Variants in FHIT observed in about 807,000 individuals in gnomAD.
The protein encoded by FHIT is fragile histidine triad diadenosine triphosphatase.
A neutral mutation model predicts 17.9 loss-of-function variants in FHIT; 19 were observed. The ratio of observed to expected loss-of-function variants is 1.06; its 90% confidence interval spans 0.74 to 1.56. The LOEUF is 1.56. FHIT is among the 40% of genes most tolerant of loss of function. The probability of loss-of-function intolerance (pLI) is 0.00; values close to 1 mark genes in which losing one functional copy is unlikely to be tolerated. For missense variants in FHIT, 248 were observed against 189.2 expected (o/e 1.31, Z -1.82); for synonymous variants, 81 against 69.7 (o/e 1.16, Z -0.81).
intron 8 of FHIT, among the ~76,000 whole-genome samples, chr3:59,912,797 C>T (rs149002175): frequency 0.01 from 1,594 of 152,312 alleles, 21 homozygotes; most frequent in African/African-American, 0.036. Flanking sequence ...ACTGGTGCAA[C>T]TGGCCTACAA....
intron 5 of FHIT, among the ~76,000 whole-genome samples, chr3:60,125,854 C>G (rs950043662): frequency 1.3e-5 from 2 of 152,160 alleles, no homozygotes; most frequent in Non-Finnish European, 2.9e-5. Flanking sequence ...AAGAAACAAT[C>G]TAATCCAACT....
At chr3:60,691,454 C>T (rs2040989242) in intron 4 of FHIT, among the ~76,000 whole-genome samples, 1 of 151,836 alleles carries the variant, frequency 6.6e-6, no homozygotes, top group Non-Finnish European at 1.5e-5. Flanking sequence ...CTGTAGCCTC[C>T]ACCTCCCCAG....
chr3:60,039,408 G>A (rs1216825586), intron 5 of FHIT, among the ~76,000 whole-genome samples: 1 of 152,172 alleles, frequency 6.6e-6, no homozygotes, highest in Non-Finnish European at 1.5e-5. Context: ...TTAAAAGCTA[G>A]TGGCTGGGAT....
chr3:60,348,579 A>C (rs1710915052), intron 5 of FHIT, among the ~76,000 whole-genome samples: 1 of 152,236 alleles, frequency 6.6e-6, no homozygotes. Flanking sequence ...AAGGTAAGAC[A>C]CACACATGTG....
At chr3:60,854,486 G>C (rs1438296904) in intron 3 of FHIT, among the ~76,000 whole-genome samples, 1 of 151,370 alleles carries the variant, frequency 6.6e-6, no homozygotes, top group East Asian at 1.9e-4. Context: ...CATGCAACAA[G>C]ATGTCTGAAG....
chr3:60,101,741 G>A (rs914109824), intron 5 of FHIT, among the ~76,000 whole-genome samples: 6 of 152,158 alleles, frequency 3.9e-5, no homozygotes, highest in African/African-American at 9.6e-5. Flanking sequence ...ATAAATTAAC[G>A]AATGCCAAGT....
chr3:61,156,796 C>T (rs1446460603), intron 2 of FHIT, among the ~76,000 whole-genome samples: 2 of 152,176 alleles, frequency 1.3e-5, no homozygotes, highest in Non-Finnish European at 2.9e-5. Flanking sequence ...TTAGGTGAGA[C>T]AAAGCATGAC....
At chr3:60,102,622 T>TA (rs368662819) in intron 5 of FHIT, among the ~76,000 whole-genome samples, 2,609 of 138,964 alleles carry the variant, frequency 0.019, 73 homozygotes, top group African/African-American at 0.063. Flanking sequence ...TAAATAAGAA[T>TA]AAAAAAAAAA....
At chr3:61,175,865 A>G (rs1287606457) in intron 2 of FHIT, among the ~76,000 whole-genome samples, 1 of 152,174 alleles carries the variant, frequency 6.6e-6, no homozygotes, top group Non-Finnish European at 1.5e-5. Context: ...TTTACAAATG[A>G]CCAAGTCTGT....
chr3:59,773,934 A>G (rs1440733940), intron 8 of FHIT, among the ~76,000 whole-genome samples: 1 of 152,232 alleles, frequency 6.6e-6, no homozygotes, highest in Non-Finnish European at 1.5e-5. Context: ...ACTGTAAAAT[A>G]TCTCATTAAT....
intron 5 of FHIT, among the ~76,000 whole-genome samples, chr3:60,133,456 C>G (rs375973759): frequency 6.1e-4 from 93 of 152,284 alleles, no homozygotes; most frequent in African/African-American, 2.2e-3. Context: ...TGCTTCTACT[C>G]TAGAGGGAGA....
intron 1 of FHIT, among the ~76,000 whole-genome samples, chr3:61,249,765 A>G (rs1364299023): frequency 6.6e-6 from 1 of 152,100 alleles, no homozygotes; most frequent in Non-Finnish European, 1.5e-5. Flanking sequence ...TATCTTCTCA[A>G]GTTTTTTCTC....
chr3:61,016,566 C>T (rs2032117528), intron 3 of FHIT, among the ~76,000 whole-genome samples: 1 of 152,186 alleles, frequency 6.6e-6, no homozygotes, highest in African/African-American at 2.4e-5. Flanking sequence ...TAGATAAGAG[C>T]CTGCAGCTAT....
chr3:60,328,321 A>G (rs923889807), intron 5 of FHIT, among the ~76,000 whole-genome samples: 1 of 152,214 alleles, frequency 6.6e-6, no homozygotes, highest in African/African-American at 2.4e-5. Flanking sequence ...TACTGCTATG[A>G]AGAAACACCT....
intron 5 of FHIT, among the ~76,000 whole-genome samples, chr3:60,219,690 T>G (rs13325477): frequency 0.035 from 5,326 of 152,202 alleles, 290 homozygotes; most frequent in African/African-American, 0.12. Flanking sequence ...CTTGGGAAAA[T>G]AAACTATCTG....
chr3:61,116,620 A>C (rs1291631806), intron 2 of FHIT, among the ~76,000 whole-genome samples: 1 of 152,308 alleles, frequency 6.6e-6, no homozygotes, highest in East Asian at 1.9e-4. Context: ...CACTAGAGGT[A>C]GTTACTATGG....
chr3:60,685,054 C>G (rs2040832851), intron 4 of FHIT, among the ~76,000 whole-genome samples: 1 of 152,118 alleles, frequency 6.6e-6, no homozygotes, highest in Non-Finnish European at 1.5e-5. Context: ...GAAATCTGAA[C>G]AAACACACCT....
chr3:60,365,724 T>C (rs1700079897), intron 5 of FHIT, among the ~76,000 whole-genome samples: 1 of 152,174 alleles, frequency 6.6e-6, no homozygotes, highest in South Asian at 2.1e-4. Context: ...CGTCTTAAGA[T>C]TTATTATTAA....
In FHIT at chr3:60,257,412, T is replaced by C. The variant is rs76602595; in HGVS notation, c.104-243260A>G. 1.4e-3 allele frequency among the ~76,000 whole-genome samples: 218 copies of C among 152,290 alleles called. 7 individuals are homozygous for C. In the East Asian group the frequency reaches 0.034, roughly 24 times the overall value. Reference sequence around the variant, plus strand: ...ACTGCTTGTCCATTCACATCCTGCATGGACAATAAAAGAAACTCCGTGGGT... The same window carrying C: ...ACTGCTTGTCCATTCACATCCTGCACGGACAATAAAAGAAACTCCGTGGGT... On this transcript the variant is annotated intron_variant, in intron 5 of 9. Transcript: ENST00000492590.
Sources: allele counts gnomAD v4.1 joint callset (sites outside exome capture counted in the v4.1 genomes callset), GRCh38; gene constraint gnomAD v4.1.1; transcripts MANE v1.5; gene names NCBI Gene and HGNC (gene_info 2026-07-23, HGNC 2026-07-21).